ARID1B: variants seen among roughly 807,000 people sequenced by gnomAD.
The protein encoded by ARID1B is AT-rich interactive domain-containing protein 1B.
In ARID1B, 30 loss-of-function variants were observed where a neutral mutation model predicts 212.3. The ratio of observed to expected loss-of-function variants is 0.14; its 90% CI spans 0.11 to 0.19. ARID1B has a LOEUF of 0.19. Among genes scored for constraint, ARID1B ranks in the 10% least tolerant of loss-of-function variants. ARID1B has a pLI of 1.00. For missense variants in ARID1B, 2,891 were observed against 3,204.0 expected (o/e 0.90, Z 2.36); for synonymous variants, 1,402 against 1,301.7 (o/e 1.08, Z -1.66).
intron 6 of ARID1B, among the ~76,000 whole-genome samples, chr6:157,131,925 G>A (rs1269400711): frequency 2.0e-5 from 3 of 152,152 alleles, no homozygotes; most frequent in African/African-American, 7.2e-5. Context: ...TCCTGTCCTC[G>A]TGATCCACCC....
At chr6:156,826,181 C>G in intron 1 of ARID1B, among the ~76,000 whole-genome samples, 1 of 152,182 alleles carries the variant, frequency 6.6e-6, no homozygotes, top group Non-Finnish European at 1.5e-5. Context: ...GCTGTGGGGC[C>G]TGGGGCAAAG....
intron 4 of ARID1B, among the ~76,000 whole-genome samples, chr6:156,993,043 C>G (rs1240900475): frequency 7.1e-6 from 1 of 140,808 alleles, no homozygotes; most frequent in Non-Finnish European, 1.5e-5. Context: ...TATATGCTTT[C>G]GCTTTTTTTT....
intron 4 of ARID1B, among the ~76,000 whole-genome samples, chr6:157,040,805 G>T (rs1781836296): frequency 6.6e-6 from 1 of 152,146 alleles, no homozygotes. Context: ...GAGATTCATT[G>T]TTTTGTTAGG....
intron 1 of ARID1B, among the ~76,000 whole-genome samples, chr6:156,821,175 A>G (rs541852985): frequency 1.3e-5 from 2 of 152,320 alleles, no homozygotes; most frequent in East Asian, 3.9e-4. Context: ...ACAAGCGGAG[A>G]TAAAGACCAA....
chr6:156,994,755 A>G (rs553345607), intron 4 of ARID1B, among the ~76,000 whole-genome samples: 26 of 152,162 alleles, frequency 1.7e-4, no homozygotes, highest in Non-Finnish European at 3.2e-4. Context: ...GACTCAGTCC[A>G]GCCCAGGGCT....
At position 157,206,397 on chromosome 6, in the gene ARID1B, C is replaced by A; in HGVS notation, c.5625C>A (p.Ser1875Arg). Residue 1875 changes from serine (S) to arginine (R), a missense_variant, in exon 20 of 20, where the codon AGC (serine) becomes AGA (arginine). This residue lies in a region of ARID1B where 332 missense variants were observed against 369.2 expected (regional missense o/e 0.90). Coordinates refer to ENST00000636930, the MANE Select transcript of ARID1B (RefSeq NM_001374828.1). This position sits in a 1 kb window ranked among gnomAD's most constrained non-coding sequence, Gnocchi z 6.8. ...EEDEEDEEED[S>R]EKTESDEKSS... ...ACGAGGAGGATGAGGAGGAAGACAG[C>A]GAGAAGACAGAAAGCGATGAAAAGA... The A allele has an allele frequency of 5.0e-6, 8 of 1,614,108 alleles. No homozygotes were observed. The highest frequency in any genetic ancestry group is 5.9e-6 in the Non-Finnish European group (7 of 1,180,022).
chr6:157,061,728 A>G (rs558766616), intron 4 of ARID1B, among the ~76,000 whole-genome samples: 6 of 152,304 alleles, frequency 3.9e-5, no homozygotes, highest in African/African-American at 9.6e-5. Context: ...TGATAACTCT[A>G]ATCCATCCAA....
In ARID1B at chr6:157,052,942, TCTC is replaced by T. The variant is rs1782703353; in HGVS notation, c.2248-31717_2248-31715del. Among the ~76,000 whole-genome samples, 6 of 152,014 alleles carry T rather than the reference TCTC, an allele frequency of 3.9e-5. No individual in the cohort carries two copies. The South Asian group carries it at 1.2e-3, about 32-fold the overall frequency. On this transcript the variant is annotated intron_variant, in intron 4 of 19. Coordinates refer to ENST00000636930, the MANE Select transcript of ARID1B (RefSeq NM_001374828.1). ...ACCATGTTGGCCAGTATTGTCTCGA[TCTC>T]CTGACCTCGTGATCTGGCCATCTCA...
At chr6:157,058,531 C>T (rs1479361252) in intron 4 of ARID1B, among the ~76,000 whole-genome samples, 1 of 152,198 alleles carries the variant, frequency 6.6e-6, no homozygotes, top group African/African-American at 2.4e-5. Flanking sequence ...TCCCAAAGTG[C>T]TGGGATTACA....
At chr6:156,946,035 T>C (rs1218903674) in intron 4 of ARID1B, among the ~76,000 whole-genome samples, 6 of 151,694 alleles carry the variant, frequency 4.0e-5, no homozygotes, top group Non-Finnish European at 7.4e-5. Context: ...AAAATATTAG[T>C]TAATGGACAC....
At chr6:156,924,794 A>C in intron 3 of ARID1B, among the ~76,000 whole-genome samples, 1 of 152,306 alleles carries the variant, frequency 6.6e-6, no homozygotes. Context: ...GATTTTTAAA[A>C]ATTATTAGAT....
chr6:157,145,325 T>A (rs185854451), intron 7 of ARID1B, among the ~76,000 whole-genome samples: 55 of 152,312 alleles, frequency 3.6e-4, no homozygotes, highest in Admixed American at 2.9e-3. Context: ...ACCACTCCCA[T>A]CTGTGTGTGT....
chr6:156,915,604 A>C (rs1468266839), intron 3 of ARID1B, among the ~76,000 whole-genome samples: 1 of 148,864 alleles, frequency 6.7e-6, no homozygotes, highest in Non-Finnish European at 1.5e-5. Flanking sequence ...CATTTTAAAG[A>C]TTTGGTTTTG....
intron 2 of ARID1B, among the ~76,000 whole-genome samples, chr6:156,857,296 G>T (rs74995155): frequency 6.6e-6 from 1 of 152,152 alleles, no homozygotes; most frequent in Non-Finnish European, 1.5e-5. Flanking sequence ...TCTGTCACCC[G>T]CAATTTCAAG....
In ARID1B at chr6:157,201,542, T is replaced by G; in HGVS notation, c.5263+54T>G. On this transcript the variant is annotated intron_variant, in intron 18 of 19. Coordinates refer to ENST00000636930, the MANE Select transcript of ARID1B (RefSeq NM_001374828.1). The surrounding 1 kb of genome is among the most constrained non-coding windows in gnomAD (Gnocchi z 5.2). ...ATGAATTCCAGTTGCAGTGTAGAATTTTAATTTTAGTAAAGATGCTGTTCC... is the reference window on the plus strand; with the variant it reads ...ATGAATTCCAGTTGCAGTGTAGAATGTTAATTTTAGTAAAGATGCTGTTCC... The G allele has an allele frequency of 6.8e-7, 1 of 1,475,444 alleles. No individual in the cohort carries two copies. Among genetic ancestry groups the G allele is most frequent in the Non-Finnish European group, 9.0e-7 (1 of 1,112,068 alleles). The allele number at this position is 1,475,444 out of a possible 1,614,324, so 91.4% of individuals were successfully genotyped here.
intron 1 of ARID1B, among the ~76,000 whole-genome samples, chr6:156,789,724 T>G (rs920678551): frequency 5.9e-5 from 9 of 152,132 alleles, no homozygotes; most frequent in African/African-American, 2.2e-4. Flanking sequence ...GCTGGCAGGT[T>G]AGAGAGCACT....
intron 6 of ARID1B, among the ~76,000 whole-genome samples, chr6:157,131,252 AC>A (rs1788527908): frequency 6.6e-6 from 1 of 152,206 alleles, no homozygotes; most frequent in African/African-American, 2.4e-5. Flanking sequence ...AGGATAGTGA[AC>A]CCAGGTGTGA....
chr6:157,094,585 C>A lies in ARID1B; in HGVS notation c.2491+9680C>A, dbSNP rs942244105. On this transcript the variant is annotated intron_variant, in intron 5 of 19. Coordinates refer to ENST00000636930, the MANE Select transcript of ARID1B (RefSeq NM_001374828.1). This position sits in a 1 kb window ranked among gnomAD's most constrained non-coding sequence, Gnocchi z 4.3. ...GGCCAGGCTGGTCTCGAACTCCTGA[C>A]CTCTCGAAATCTGCCCATGTTGGCC... Among the ~76,000 whole-genome samples the A allele has an allele frequency of 1.3e-5, 2 of 152,148 alleles. No individual in the cohort carries two copies. Among genetic ancestry groups the A allele is most frequent in the African/African-American group, 4.8e-5 (2 of 41,418 alleles).
rs562864455 is a variant in ARID1B, at chr6:157,113,501, C to T, written c.2581+2940C>T. On this transcript the variant is annotated intron_variant, in intron 6 of 19. Transcript: ENST00000636930. ...TGATGGAAGGTGAAGGCAAATTTAG[C>T]ACATCTTACATGGCAGGAGCAAGAG... Among the ~76,000 whole-genome samples the T allele has an allele frequency of 2.6e-4, 40 of 152,286 alleles. No individual in the cohort carries two copies. The South Asian group carries it at 4.1e-3, about 16-fold the overall frequency.
Sources: gnomAD v4.1 joint callset for allele counts (sites outside exome capture counted in the v4.1 genomes callset) on GRCh38, gnomAD v4.1.1 for gene constraint, gnomAD v4.1.1 regional missense constraint, Gnocchi (gnomAD v3.1) non-coding constraint, MANE v1.5 for transcripts, NCBI Gene and HGNC (gene_info 2026-07-23, HGNC 2026-07-21) for gene names.